SLC9A9: variants seen among roughly 807,000 people sequenced by gnomAD.
SLC9A9 encodes the protein solute carrier family 9 member A9.
SLC9A9 carries 62 observed loss-of-function variants against 77.8 expected under a neutral mutation model. The ratio of observed to expected loss-of-function variants is 0.80; its 90% CI spans 0.65 to 0.98. The LOEUF (loss-of-function observed/expected upper bound fraction) is 0.98. SLC9A9 is among the 50% of genes least tolerant of loss of function. SLC9A9 has a pLI of 0.00. For missense variants in SLC9A9, 775 were observed against 774.9 expected (o/e 1.00, Z 0.00); for synonymous variants, 320 against 283.5 (o/e 1.13, Z -1.29).
intron 5 of SLC9A9, among the ~76,000 whole-genome samples, chr3:143,683,318 C>T (rs910922613): frequency 6.6e-6 from 1 of 152,118 alleles, no homozygotes; most frequent in Non-Finnish European, 1.5e-5. Flanking sequence ...CTGAAGCTAA[C>T]TTTCACTTAC....
chr3:143,652,175 T>G, intron 6 of SLC9A9, 80 bp downstream of exon 6: 1 of 1,180,002 alleles, frequency 8.5e-7, no homozygotes, highest in Non-Finnish European at 1.2e-6. Flanking sequence ...TGCCCGTATC[T>G]CTGTGACATA....
At chr3:143,601,977 A>C (rs896770954) in intron 6 of SLC9A9, among the ~76,000 whole-genome samples, 9 of 151,886 alleles carry the variant, frequency 5.9e-5, no homozygotes, top group African/African-American at 1.9e-4. Flanking sequence ...CTTGCTCTGC[A>C]GTTCCTGGAG....
intron 2 of SLC9A9, among the ~76,000 whole-genome samples, chr3:143,817,131 TTA>T (rs1358588133): frequency 5.2e-5 from 7 of 134,700 alleles, no homozygotes; most frequent in African/African-American, 1.9e-4. Context: ...ATGCAAAAGT[TTA>T]TTTTTTTTTT....
intron 9 of SLC9A9, among the ~76,000 whole-genome samples, chr3:143,550,723 T>C (rs376242516): frequency 8.5e-5 from 13 of 152,326 alleles, no homozygotes; most frequent in East Asian, 7.7e-4. Context: ...TGCAGGTATG[T>C]GATCAATAAA....
chr3:143,278,121 G>A (rs766902892), intron 14 of SLC9A9, among the ~76,000 whole-genome samples: 4 of 152,160 alleles, frequency 2.6e-5, no homozygotes, highest in Non-Finnish European at 5.9e-5. Flanking sequence ...AAGGATCCCA[G>A]GGAGATGCAT....
At chr3:143,460,894 G>A (rs2108564116) in intron 12 of SLC9A9, among the ~76,000 whole-genome samples, 1 of 152,266 alleles carries the variant, frequency 6.6e-6, no homozygotes, top group East Asian at 1.9e-4. Context: ...TTAGATTTAT[G>A]AAATGTATTG....
intron 4 of SLC9A9, among the ~76,000 whole-genome samples, chr3:143,719,064 C>T (rs1934428657): frequency 6.6e-6 from 1 of 152,206 alleles, no homozygotes; most frequent in South Asian, 2.1e-4. Context: ...ACGTTAACTT[C>T]TTAATGTGTT....
At chr3:143,767,370 C>CTGTGTG (rs1304114618) in intron 4 of SLC9A9, among the ~76,000 whole-genome samples, 179 of 117,588 alleles carry the variant, frequency 1.5e-3, no homozygotes, top group African/African-American at 4.0e-3. Context: ...CAGTAAGTGT[C>CTGTGTG]TGTGTATGTG....
intron 13 of SLC9A9, among the ~76,000 whole-genome samples, chr3:143,380,717 C>T (rs1385996161): frequency 6.6e-6 from 1 of 152,194 alleles, no homozygotes; most frequent in Non-Finnish European, 1.5e-5. Flanking sequence ...GGCCTTGGAA[C>T]ACATGTGACA....
intron 5 of SLC9A9, among the ~76,000 whole-genome samples, chr3:143,680,619 C>T (rs997484779): frequency 7.9e-5 from 12 of 151,916 alleles, no homozygotes; most frequent in East Asian, 1.9e-4. Flanking sequence ...TTTTTAAATG[C>T]TATTGGATTT....
intron 5 of SLC9A9, chr3:143,655,706 AC>A: frequency 1.1e-6 from 1 of 905,286 alleles, no homozygotes; most frequent in Non-Finnish European, 1.3e-6. Context: ...ACACACACAC[AC>A]ACACAAACAC....
At chr3:143,290,054 G>A (rs1232872119) in intron 14 of SLC9A9, among the ~76,000 whole-genome samples, 1 of 152,130 alleles carries the variant, frequency 6.6e-6, no homozygotes, top group Non-Finnish European at 1.5e-5. Context: ...CAGTAATTCA[G>A]AACTCAAGGG....
chr3:143,609,550 TGA>T (rs1311220271), intron 6 of SLC9A9, among the ~76,000 whole-genome samples: 1 of 152,170 alleles, frequency 6.6e-6, no homozygotes, highest in East Asian at 1.9e-4. Flanking sequence ...TTCAGAGAAC[TGA>T]GAGAGTATAA....
At chr3:143,705,306 G>C (rs941495991) in intron 4 of SLC9A9, among the ~76,000 whole-genome samples, 1 of 152,012 alleles carries the variant, frequency 6.6e-6, no homozygotes, top group Non-Finnish European at 1.5e-5. Flanking sequence ...AAGGGTAGTG[G>C]GGGTGTGGAG....
chr3:143,373,844 T>C (rs940970396), intron 13 of SLC9A9, among the ~76,000 whole-genome samples: 8 of 152,032 alleles, frequency 5.3e-5, no homozygotes, highest in Non-Finnish European at 1.0e-4. Flanking sequence ...TAGCCTAATG[T>C]ATATAAGATT....
chr3:143,609,223 A>G (rs980822939), intron 6 of SLC9A9, among the ~76,000 whole-genome samples: 9 of 152,176 alleles, frequency 5.9e-5, no homozygotes, highest in African/African-American at 2.2e-4. Context: ...ACAGTTCTGG[A>G]CACAGTGTTC....
chr3:143,843,753 G>A (rs916645441), intron 1 of SLC9A9, among the ~76,000 whole-genome samples: 1 of 152,194 alleles, frequency 6.6e-6, no homozygotes, highest in South Asian at 2.1e-4. Context: ...CTGTCAGGGA[G>A]CAAGGAGCAA....
intron 12 of SLC9A9, among the ~76,000 whole-genome samples, chr3:143,441,660 A>G (rs1011710891): frequency 4.6e-5 from 7 of 151,598 alleles, no homozygotes; most frequent in Admixed American, 4.6e-4. Flanking sequence ...TTCAATGCAG[A>G]GTTATATTGA....
chr3:143,806,574 T>A (rs2008719149), intron 2 of SLC9A9, among the ~76,000 whole-genome samples: 1 of 152,116 alleles, frequency 6.6e-6, no homozygotes, highest in African/African-American at 2.4e-5. Flanking sequence ...TATACCCACA[T>A]CACAGGTAAG....
Sources: gnomAD v4.1 joint callset for allele counts (sites outside exome capture counted in the v4.1 genomes callset) on GRCh38, gnomAD v4.1.1 for gene constraint, MANE v1.5 for transcripts, NCBI Gene and HGNC (gene_info 2026-07-23, HGNC 2026-07-21) for gene names.